The following CREB3L4 variants were observed in gnomAD, a reference collection of about 807,000 sequenced individuals.
CREB3L4 encodes cyclic AMP-responsive element-binding protein 3-like protein 4.
A neutral mutation model predicts 37.0 loss-of-function variants in CREB3L4; 28 were observed. The observed-to-expected ratio is 0.76, with a 90% confidence interval of 0.56 to 1.04. The LOEUF is 1.04. Among genes scored for constraint, CREB3L4 ranks in the 50% least tolerant of loss-of-function variants. The pLI is 0.00. For synonymous variants in CREB3L4, 175 were observed against 192.2 expected, an observed-to-expected ratio of 0.91 and a Z score of 0.74; for missense variants, 462 against 486.0, an observed-to-expected ratio of 0.95 and a Z score of 0.46.
intron 4 of CREB3L4, among the ~76,000 whole-genome samples, chr1:153,971,591 T>TTTTTTTTTTTTTTTG (rs1648384761): frequency 6.7e-6 from 1 of 148,182 alleles, no homozygotes; most frequent in African/African-American, 2.5e-5. Flanking sequence ...CTTTTTCTTT[T>TTTTTTTTTTTTTTTG]TTTTTTTTTT....
intron 4 of CREB3L4, among the ~76,000 whole-genome samples, chr1:153,970,757 T>A (rs1436866504): frequency 6.8e-6 from 1 of 146,766 alleles, no homozygotes. Context: ...TTTTTTTTTT[T>A]TTTTTTTAGA....
intron 4 of CREB3L4, among the ~76,000 whole-genome samples, chr1:153,972,481 T>A (rs1648470794): frequency 6.6e-6 from 1 of 152,218 alleles, no homozygotes; most frequent in Non-Finnish European, 1.5e-5. Flanking sequence ...TCTAGCTTGC[T>A]CAGAGTGCCA....
At chr1:153,973,759 A>AG in intron 9 of CREB3L4, 43 bp downstream of exon 9, 3 of 1,554,498 alleles carry the variant, frequency 1.9e-6, no homozygotes, top group African/African-American at 1.4e-5. Flanking sequence ...TGAGCAAGGG[A>AG]GGGGGACTCT....
chr1:153,974,328 T>A lies in CREB3L4; in HGVS notation c.*263T>A. 1 of 447,268 alleles carries A rather than the reference T, an allele frequency of 2.2e-6. No homozygotes were observed. Among genetic ancestry groups the A allele is most frequent in the Non-Finnish European group, 4.0e-6 (1 of 251,078 alleles). 27.7% of individuals were successfully genotyped at this position (447,268 alleles called of 1,614,324 possible). A position where few individuals can be genotyped will look rare whatever the true frequency, so the allele number is the denominator to read the frequency against. ...GGGTATAGGGTTGAGGGGAAATAAG[T>A]TTTGAGTGAGAAATAAACGTTTTAG... On this transcript the variant is annotated 3_prime_UTR_variant, in exon 10 of 10. Transcript: ENST00000368607.
At chr1:153,969,951 C>T (rs1366666952) in intron 4 of CREB3L4, among the ~76,000 whole-genome samples, 1 of 129,176 alleles carries the variant, frequency 7.7e-6, no homozygotes, top group Non-Finnish European at 1.6e-5. Context: ...TTTTTTGAGA[C>T]GGAGTCTCAC....
chr1:153,967,786 C>A (rs1647903358), upstream of CREB3L4: 1 of 152,170 alleles, frequency 6.6e-6, no homozygotes, highest in African/African-American at 2.4e-5. Context: ...GGCTCGATGT[C>A]CTGCCCCTCC....
intron 4 of CREB3L4, among the ~76,000 whole-genome samples, chr1:153,972,178 T>A (rs1648439771): frequency 6.6e-6 from 1 of 152,128 alleles, no homozygotes; most frequent in Non-Finnish European, 1.5e-5. Flanking sequence ...TCTCCGTACA[T>A]CCTCTCCTGT....
chr1:153,974,168 G>C lies in CREB3L4; in HGVS notation c.*103G>C. ...ATTCCTACTTAGGTGTCTGCCCTCA[G>C]GGGTCCAAATCACTTCAGGACACCC... On this transcript the variant is annotated 3_prime_UTR_variant, in exon 10 of 10. Transcript: ENST00000368607. 1.8e-6 allele frequency: 2 copies of C among 1,141,056 alleles called. No homozygotes were observed. The highest frequency in any genetic ancestry group is 2.5e-6 in the Non-Finnish European group (2 of 802,268). 70.7% of individuals were successfully genotyped at this position (1,141,056 alleles called of 1,614,324 possible).
intron 9 of CREB3L4, 55 bp downstream of exon 9, chr1:153,973,771 T>C: frequency 6.4e-7 from 1 of 1,555,668 alleles, no homozygotes; most frequent in South Asian, 1.1e-5. Context: ...GGGGACTCTG[T>C]TCTCCAAGGT....
chr1:153,968,762 G>A, intron 2 of CREB3L4, 63 bp downstream of exon 2: 1 of 1,597,920 alleles, frequency 6.3e-7, no homozygotes, highest in Non-Finnish European at 8.6e-7. Context: ...AGAGGCTTCA[G>A]CTCCCACTTG....
chr1:153,969,271 G>C (rs1369407245), intron 3 of CREB3L4, 63 bp from the exon 4 acceptor site: 1 of 1,613,654 alleles, frequency 6.2e-7, no homozygotes, highest in African/African-American at 1.3e-5. Context: ...CACTACCCAG[G>C]CCCTGCGGCT....
rs140200935 is a variant in CREB3L4, at chr1:153,972,749, C to G, written c.549C>G (p.Pro183=). Residue 183 remains proline, a synonymous_variant, in exon 5 of 10, where the codon CCC becomes CCG. Coordinates refer to ENST00000368607, the MANE Select transcript of CREB3L4 (RefSeq NM_001255978.2). ...TCTCCTGCCCCTACCCCCAGCTGCC[C>G]TGTCAAACCCTGTTCCTGACCGATG... ...VAPVPCTTLL[P]CQTLFLTDEE... 3.5e-4 allele frequency: 561 copies of G among 1,613,556 alleles called. No homozygotes were observed. The highest frequency in any genetic ancestry group is 8.6e-4 in the Middle Eastern group (5 of 5,840).
At chr1:153,971,165 C>A (rs1423973314) in intron 4 of CREB3L4, among the ~76,000 whole-genome samples, 1 of 148,588 alleles carries the variant, frequency 6.7e-6, no homozygotes, top group African/African-American at 2.5e-5. Context: ...GTCAGGAGTT[C>A]GAGACCAGCC....
At chr1:153,971,658 T>C (rs1031868390) in intron 4 of CREB3L4, among the ~76,000 whole-genome samples, 2 of 150,940 alleles carry the variant, frequency 1.3e-5, no homozygotes, top group South Asian at 2.1e-4. Flanking sequence ...TGATTTTGAT[T>C]AGGTGGACTG....
intron 4 of CREB3L4, chr1:153,969,680 G>A (rs12023699): frequency 0.3 from 145,253 of 491,324 alleles, 22,492 homozygotes; most frequent in Admixed American, 0.4. Flanking sequence ...GTGCAATCAC[G>A]GCTCACTGCA....
chr1:153,969,254 C>A (rs754655658), intron 3 of CREB3L4, 78 bp downstream of exon 3: 38 of 1,613,712 alleles, frequency 2.4e-5, no homozygotes, highest in Admixed American at 3.3e-5. Context: ...GTTTACCCAA[C>A]CTGTGCCACT....
intron 4 of CREB3L4, 78 bp downstream of exon 4, chr1:153,969,533 A>T: frequency 6.6e-7 from 1 of 1,521,174 alleles, no homozygotes; most frequent in Non-Finnish European, 9.0e-7. Flanking sequence ...GGATGAGGGA[A>T]TGGAAACTGA....
At chr1:153,971,584 TTTC>T (rs1464121204) in intron 4 of CREB3L4, among the ~76,000 whole-genome samples, 211 of 138,294 alleles carry the variant, frequency 1.5e-3, no homozygotes, top group Non-Finnish European at 2.7e-3. Context: ...TCTTTTTCTT[TTTC>T]TTTTTTTTTT....
intron 1 of CREB3L4, 110 bp from the exon 2 acceptor site, chr1:153,968,412 G>A: frequency 1.1e-6 from 1 of 918,338 alleles, no homozygotes; most frequent in East Asian, 2.7e-5. Context: ...GGAAGGAGTG[G>A]GGGGGCGGGG....
Sources: gnomAD v4.1 joint callset for allele counts (sites outside exome capture counted in the v4.1 genomes callset) on GRCh38, gnomAD v4.1.1 for gene constraint, MANE v1.5 for transcripts, NCBI Gene and HGNC (gene_info 2026-07-23, HGNC 2026-07-21) for gene names.